The following CDK14 variants were observed in gnomAD, a reference collection of about 807,000 sequenced individuals.
The protein encoded by CDK14 is cyclin dependent kinase 14.
A neutral mutation model predicts 60.7 loss-of-function variants in CDK14; 34 were observed. The ratio of observed to expected loss-of-function variants is 0.56; its 90% confidence interval spans 0.43 to 0.75. CDK14 has a LOEUF of 0.75. Among genes scored for constraint, CDK14 ranks in the 30% least tolerant of loss-of-function variants. CDK14 has a pLI of 0.00. For missense variants in CDK14, 482 were observed against 564.1 expected, an observed-to-expected ratio of 0.85 and a Z score of 1.47; for synonymous variants, 197 against 203.7, an observed-to-expected ratio of 0.97 and a Z score of 0.28.
chr7:91,116,982 T>A (rs1799627694), intron 13 of CDK14, among the ~76,000 whole-genome samples: 1 of 150,806 alleles, frequency 6.6e-6, no homozygotes, highest in Non-Finnish European at 1.5e-5. Flanking sequence ...ATGATTTAAA[T>A]ATCATCTATA....
chr7:91,054,295 A>T (rs1240366243), intron 11 of CDK14, among the ~76,000 whole-genome samples: 1 of 152,024 alleles, frequency 6.6e-6, no homozygotes, highest in Non-Finnish European at 1.5e-5. Flanking sequence ...TTATTACGTA[A>T]ATATCTGCTT....
chr7:90,604,334 CA>C (rs897145483), intron 2 of CDK14, 85 bp downstream of exon 2: 377 of 686,640 alleles, frequency 5.5e-4, no homozygotes, highest in African/African-American at 1.3e-3. Context: ...TACCTGGAAA[CA>C]AAAAAAATGC....
chr7:90,899,347 T>A lies in CDK14; in HGVS notation c.696T>A (p.Asn232Lys). Residue 232 changes from asparagine (N) to lysine (K), a missense_variant, in exon 7 of 15, where the codon AAT becomes AAA. Physicochemically the swap from Asn to Lys is moderately conservative, Grantham distance 94. Coordinates refer to ENST00000380050, the MANE Select transcript of CDK14 (RefSeq NM_001287135.2). ...DKHPGGLHPD[N>K]VKLFLFQLLR... Reference sequence around the variant, plus strand: ...ACCCTGGGGGGCTGCATCCAGATAATGTGAAGGTAGGAAAAGATCTTTTTA... The same window carrying A: ...ACCCTGGGGGGCTGCATCCAGATAAAGTGAAGGTAGGAAAAGATCTTTTTA... 1 of 1,596,720 alleles carries A rather than the reference T, an allele frequency of 6.3e-7. No homozygotes were observed. The highest frequency in any genetic ancestry group is 8.5e-7 in the Non-Finnish European group (1 of 1,172,684).
At chr7:91,130,510 G>A (rs1209625564) in intron 14 of CDK14, among the ~76,000 whole-genome samples, 1 of 152,126 alleles carries the variant, frequency 6.6e-6, no homozygotes, top group Admixed American at 6.6e-5. Flanking sequence ...TATTTCACAA[G>A]TGTCATGCAT....
chr7:90,832,195 G>T (rs1196070794), intron 5 of CDK14, among the ~76,000 whole-genome samples: 1 of 152,042 alleles, frequency 6.6e-6, no homozygotes, highest in Non-Finnish European at 1.5e-5. Flanking sequence ...TTATGTATGT[G>T]TATTTGTTTA....
chr7:91,194,022 T>G (rs1437192557), intron 14 of CDK14, among the ~76,000 whole-genome samples: 2 of 152,204 alleles, frequency 1.3e-5, no homozygotes, highest in African/African-American at 4.8e-5. Context: ...ATCGCCAATC[T>G]CTAGTATGGA....
chr7:91,144,726 A>G (rs1266689132), intron 14 of CDK14, among the ~76,000 whole-genome samples: 5 of 152,196 alleles, frequency 3.3e-5, no homozygotes, highest in African/African-American at 9.6e-5. Context: ...AAGTGCCTGG[A>G]GCAAGTGTCC....
chr7:90,863,668 A>ATGTGTG (rs549142223), intron 6 of CDK14, among the ~76,000 whole-genome samples: 16 of 48,898 alleles, frequency 3.3e-4, no homozygotes, highest in African/African-American at 9.1e-4. Context: ...GCTTATTAAG[A>ATGTGTG]TATGTGTGTG....
chr7:91,118,175 C>A lies in CDK14; in HGVS notation c.1405C>A (p.His469Asn), dbSNP rs1438684659. The A allele has an allele frequency of 1.3e-6, 2 of 1,597,556 alleles. 1 individual carries two copies. The highest frequency in any genetic ancestry group is 2.2e-5 in the South Asian group (2 of 90,572). Residue 469 changes from histidine to asparagine, a missense_variant, in exon 14 of 15, where the codon CAC (histidine) becomes AAC (asparagine). His to Asn is a moderately conservative substitution (Grantham distance 68). Coordinates refer to ENST00000380050, the MANE Select transcript of CDK14 (RefSeq NM_001287135.2). ...TGGCAAAAGTCTATCAAACAGCAAG[C>A]ACTGACAAGCAGCACATTCTCAAGA... is the stretch of plus-strand genomic sequence containing the variant. ...SYGKSLSNSK[H>N]
intron 8 of CDK14, among the ~76,000 whole-genome samples, chr7:90,936,503 G>T (rs1430657766): frequency 1.3e-5 from 2 of 152,100 alleles, no homozygotes; most frequent in East Asian, 3.9e-4. Flanking sequence ...AAGCTAAGTG[G>T]TCTCCTATAG....
At chr7:91,035,883 C>CCGGACTG (rs1176632047) in intron 10 of CDK14, among the ~76,000 whole-genome samples, 2 of 125,696 alleles carry the variant, frequency 1.6e-5, no homozygotes, top group African/African-American at 6.1e-5. Context: ...GTCGCCCAGG[C>CCGGACTG]CGGACTGCGG....
chr7:90,718,965 G>A (rs957372953), intron 2 of CDK14, among the ~76,000 whole-genome samples: 5 of 152,050 alleles, frequency 3.3e-5, no homozygotes, highest in East Asian at 1.9e-4. Context: ...GTTCTGTAAC[G>A]CTTAAAGTTC....
At chr7:91,206,105 G>A (rs1463185659) in intron 14 of CDK14, among the ~76,000 whole-genome samples, 1 of 152,058 alleles carries the variant, frequency 6.6e-6, no homozygotes, top group African/African-American at 2.4e-5. Flanking sequence ...CTATTTTAAT[G>A]GTTCCTGAGC....
chr7:90,853,993 C>CTTGTTTTG (rs1211697729), intron 5 of CDK14, among the ~76,000 whole-genome samples: 2 of 152,132 alleles, frequency 1.3e-5, no homozygotes, highest in Non-Finnish European at 2.9e-5. Context: ...GCAGAACTAC[C>CTTGTTTTG]TTGTTTTGTG....
At chr7:91,188,173 GT>G (rs1802248418) in intron 14 of CDK14, among the ~76,000 whole-genome samples, 1 of 151,804 alleles carries the variant, frequency 6.6e-6, no homozygotes, top group African/African-American at 2.4e-5. Flanking sequence ...CATGGTTACT[GT>G]GTGATTCATT....
intron 12 of CDK14, among the ~76,000 whole-genome samples, chr7:91,105,283 G>A (rs1799256237): frequency 6.6e-6 from 1 of 152,224 alleles, no homozygotes; most frequent in Non-Finnish European, 1.5e-5. Flanking sequence ...TAGGGAATAG[G>A]AATTGAGATT....
chr7:90,774,399 T>C (rs1484982393), intron 4 of CDK14, among the ~76,000 whole-genome samples: 3 of 152,236 alleles, frequency 2.0e-5, no homozygotes, highest in Admixed American at 2.0e-4. Flanking sequence ...ACAGTTCATT[T>C]TGAGTGACAC....
intron 4 of CDK14, among the ~76,000 whole-genome samples, chr7:90,775,515 G>C (rs1319598077): frequency 6.6e-6 from 1 of 151,984 alleles, no homozygotes; most frequent in Non-Finnish European, 1.5e-5. Context: ...GAGAAAATTT[G>C]ATTTCTCTAG....
chr7:90,963,092 T>A (rs1373711217), intron 9 of CDK14, among the ~76,000 whole-genome samples: 23 of 89,062 alleles, frequency 2.6e-4, no homozygotes, highest in East Asian at 7.0e-4. Context: ...TAAGAGTGTG[T>A]GTGTGTGTGT....
Sources: gnomAD v4.1 joint callset for allele counts (sites outside exome capture counted in the v4.1 genomes callset) on GRCh38, gnomAD v4.1.1 for gene constraint, MANE v1.5 for transcripts, NCBI Gene and HGNC (gene_info 2026-07-23, HGNC 2026-07-21) for gene names.